Variants in ZBTB43 observed in about 807,000 individuals in gnomAD.
ZBTB43 encodes the protein zinc finger and BTB domain containing 43, also known as zinc finger and BTB domain-containing protein 43.
Under a neutral mutation model 31.1 loss-of-function variants are expected in ZBTB43, and 6 were observed. The ratio of observed to expected loss-of-function variants is 0.19; its 90% CI spans 0.11 to 0.38. ZBTB43 has a LOEUF of 0.38. ZBTB43 is among the 10% of genes least tolerant of loss of function. The pLI is 1.00. For synonymous variants in ZBTB43, 212 were observed against 221.7 expected (o/e 0.96, Z 0.39); for missense variants, 379 against 602.1 (o/e 0.63, Z 3.88).
intron 2 of ZBTB43, among the ~76,000 whole-genome samples, chr9:126,830,267 C>T (rs1383400780): frequency 6.6e-6 from 1 of 152,246 alleles, no homozygotes; most frequent in Non-Finnish European, 1.5e-5. Context: ...AAGAAACCTT[C>T]ATTTCTTCTC....
At chr9:126,830,406 GAGGCC>G (rs1052061974) in intron 2 of ZBTB43, among the ~76,000 whole-genome samples, 44 of 152,226 alleles carry the variant, frequency 2.9e-4, no homozygotes, top group African/African-American at 9.7e-4. Context: ...AGCACTTTGG[GAGGCC>G]AGGCGGGCAG....
At chr9:126,825,437 A>G (rs2032609637) in intron 2 of ZBTB43, among the ~76,000 whole-genome samples, 2 of 152,128 alleles carry the variant, frequency 1.3e-5, no homozygotes, top group Non-Finnish European at 2.9e-5. Context: ...GGCTTAAACA[A>G]TGGAAATGTA....
rs201504787 is a variant in ZBTB43, at chr9:126,837,854, T to TA, written c.*3943dup. 3,336 of 165,242 alleles carry TA rather than the reference T, an allele frequency of 0.02. 411 individuals carry two copies. In the East Asian group the frequency reaches 0.37, roughly 19 times the overall value. 10.2% of individuals were successfully genotyped at this position (165,242 alleles called of 1,614,324 possible). ...CAAATGTGACTTTTTTTTTTTTTTT[T>TA]AATTTTTGCTTGAAGCCTGTGTCAT... On this transcript the variant is annotated 3_prime_UTR_variant, in exon 3 of 3. Coordinates refer to ENST00000373464, the MANE Select transcript of ZBTB43 (RefSeq NM_014007.4).
chr9:126,825,168 T>TG (rs2032603654), intron 2 of ZBTB43, among the ~76,000 whole-genome samples: 1 of 152,156 alleles, frequency 6.6e-6, no homozygotes, highest in South Asian at 2.1e-4. Flanking sequence ...CTCGAACTCC[T>TG]GGGCTCAAGT....
chr9:126,820,900 G>A (rs958450102), intron 2 of ZBTB43, among the ~76,000 whole-genome samples: 5 of 146,856 alleles, frequency 3.4e-5, no homozygotes, highest in South Asian at 2.1e-4. Flanking sequence ...CCAGAGAGTC[G>A]AGGCTGCAGT....
intron 2 of ZBTB43, among the ~76,000 whole-genome samples, chr9:126,825,065 C>T (rs577968754): frequency 6.6e-6 from 1 of 152,142 alleles, no homozygotes; most frequent in Non-Finnish European, 1.5e-5. Flanking sequence ...CCACCTCAGC[C>T]TCTTGTATAG....
chr9:126,805,958 G>A (rs1265080848), intron 1 of ZBTB43, among the ~76,000 whole-genome samples: 1 of 152,242 alleles, frequency 6.6e-6, no homozygotes, highest in Admixed American at 6.5e-5. Flanking sequence ...TGACTCGACC[G>A]CAGTTTGGCC....
In ZBTB43 at chr9:126,833,480, A is replaced by G. The variant is rs1480081170; in HGVS notation, c.971A>G (p.Glu324Gly). The stretch of plus-strand genomic sequence containing the variant: ...GATTTCTATGGCTCTTCCATGGAAG[A>G]GTTTTCCGGAGAGAGGTCAGATGGG... ...QVDFYGSSME[E>G]FSGERSDGNL... Residue 324 changes from glutamate (E) to glycine (G), a missense_variant, in exon 3 of 3, where the codon GAG (glutamate) becomes GGG (glycine). Physicochemically the swap from Glu to Gly is moderately conservative, Grantham distance 98. Coordinates refer to ENST00000373464, the MANE Select transcript of ZBTB43 (RefSeq NM_014007.4). This position sits in a 1 kb window ranked among gnomAD's most constrained non-coding sequence, Gnocchi z 7.9. 2 of 1,614,192 alleles carry G rather than the reference A, an allele frequency of 1.2e-6. No individual in the cohort carries two copies. The highest frequency in any genetic ancestry group is 1.7e-5 in the Admixed American group (1 of 60,026).
intron 2 of ZBTB43, among the ~76,000 whole-genome samples, chr9:126,810,228 C>G (rs2032214600): frequency 6.7e-6 from 1 of 149,332 alleles, no homozygotes; most frequent in African/African-American, 2.5e-5. Flanking sequence ...GAGTCTCGCT[C>G]TTGTTGCCCA....
At position 126,836,526 on chromosome 9, in the gene ZBTB43, G is replaced by A. The variant is rs879916181; in HGVS notation, c.*2613G>A. ...CAGGAGAAGGGGGTTGCTTTCATTT[G>A]AATATTAAAAGTGAATTTTTGTAAA... On this transcript the variant is annotated 3_prime_UTR_variant, in exon 3 of 3. Coordinates refer to ENST00000373464, the MANE Select transcript of ZBTB43 (RefSeq NM_014007.4). 2 of 167,036 alleles carry A rather than the reference G, an allele frequency of 1.2e-5. No individual in the cohort carries two copies. The highest frequency in any genetic ancestry group is 1.3e-4 in the Admixed American group (2 of 15,280). 10.3% of individuals were successfully genotyped at this position (167,036 alleles called of 1,614,324 possible).
At chr9:126,832,226 A>G (rs886070045) in intron 2 of ZBTB43, 11 of 406,610 alleles carry the variant, frequency 2.7e-5, no homozygotes, top group Non-Finnish European at 4.9e-5. Flanking sequence ...TATAGCTTAC[A>G]AATCTTGTCC....
chr9:126,807,595 G>A (rs1011410200), intron 1 of ZBTB43, among the ~76,000 whole-genome samples: 1 of 152,132 alleles, frequency 6.6e-6, no homozygotes, highest in Non-Finnish European at 1.5e-5. Context: ...TAATTGAAGA[G>A]TATCATTTTC....
At position 126,836,287 on chromosome 9, in the gene ZBTB43, G is replaced by A. The variant is rs1391002276; in HGVS notation, c.*2374G>A. The stretch of plus-strand genomic sequence containing the variant: ...TTTTGGAAGCAGTCAGTTGTGCTAG[G>A]ACTTATTTAATATGTTGTGAAGAGA... On this transcript the variant is annotated 3_prime_UTR_variant, in exon 3 of 3. Transcript: ENST00000373464. 2 of 167,218 alleles carry A rather than the reference G, an allele frequency of 1.2e-5. No homozygotes were observed. Among genetic ancestry groups the A allele is most frequent in the South Asian group, 2.1e-4 (1 of 4,832 alleles). 10.4% of individuals were successfully genotyped at this position (167,218 alleles called of 1,614,324 possible). A position where few individuals can be genotyped will look rare whatever the true frequency, so the allele number is the denominator to read the frequency against.
chr9:126,826,454 C>CTTTTTTTTTTTTTTTTTT lies in ZBTB43; in HGVS notation c.-23-6023_-23-6006dup, dbSNP rs35094731. Among the ~76,000 whole-genome samples, 11 of 53,598 alleles carry CTTTTTTTTTTTTTTTTTT rather than the reference C, an allele frequency of 2.1e-4. 2 individuals carry two copies. In the East Asian group the frequency reaches 4.0e-3, roughly 19 times the overall value. The allele number at this position is 53,598 out of a possible 152,430, so 35.2% of individuals were successfully genotyped here. On this transcript the variant is annotated intron_variant, in intron 2 of 2. Coordinates refer to ENST00000373464, the MANE Select transcript of ZBTB43 (RefSeq NM_014007.4). ...GCGCCACCACTCCTGGCCCCCCCGC[C>CTTTTTTTTTTTTTTTTTT]TTTTTTTTTTTTTTTTTTTTTTTTT...
At position 126,832,533 on chromosome 9, in the gene ZBTB43, T is replaced by C; in HGVS notation, c.24T>C (p.Phe8=). The C allele has an allele frequency of 6.2e-7, 1 of 1,608,330 alleles. No individual in the cohort carries two copies. Among genetic ancestry groups the C allele is most frequent in the Non-Finnish European group, 8.5e-7 (1 of 1,175,068 alleles). Reference sequence around the variant, plus strand: ...AAATGGAGCCTGGAACAAACTCTTTTCGGGTAGAATTTCCTGATTTTTCCA... The same window carrying C: ...AAATGGAGCCTGGAACAAACTCTTTCCGGGTAGAATTTCCTGATTTTTCCA... MEPGTNS[F]RVEFPDFSST... The change falls in exon 3 of 3, where the codon TTT becomes TTC. Residue 8 remains phenylalanine, a synonymous_variant. Coordinates refer to ENST00000373464, the MANE Select transcript of ZBTB43 (RefSeq NM_014007.4).
At chr9:126,819,930 ACCACAACATT>A (rs1360067141) in intron 2 of ZBTB43, among the ~76,000 whole-genome samples, 1 of 152,220 alleles carries the variant, frequency 6.6e-6, no homozygotes, top group Non-Finnish European at 1.5e-5. Flanking sequence ...GGTCATACCA[ACCACAACATT>A]CCTTTAAGCC....
At chr9:126,828,587 G>A (rs1431713908) in intron 2 of ZBTB43, among the ~76,000 whole-genome samples, 3 of 148,632 alleles carry the variant, frequency 2.0e-5, no homozygotes. Flanking sequence ...GAGCCCAGGA[G>A]TTTCAGACCA....
At chr9:126,809,407 C>A (rs1377175230) in intron 2 of ZBTB43, among the ~76,000 whole-genome samples, 1 of 152,172 alleles carries the variant, frequency 6.6e-6, no homozygotes, top group Non-Finnish European at 1.5e-5. Flanking sequence ...TTTAAATTTA[C>A]TGAAGCAACA....
Position 126,837,910 on chromosome 9 carries a change from G to A in ZBTB43, c.*3997G>A, listed in dbSNP as rs1032447262. 21 of 165,356 alleles carry A rather than the reference G, an allele frequency of 1.3e-4. No homozygotes were observed. The highest frequency in any genetic ancestry group is 4.2e-4 in the African/African-American group (17 of 40,852). The allele number at this position is 165,356 out of a possible 1,614,324, so 10.2% of individuals were successfully genotyped here. The stretch of plus-strand genomic sequence containing the variant: ...TTGCTGCTGCCTTCTTTCCTTTTGT[G>A]AGGTTCCCAATGTTTCGTCCAGAAA... On this transcript the variant is annotated 3_prime_UTR_variant, in exon 3 of 3. Coordinates refer to ENST00000373464, the MANE Select transcript of ZBTB43 (RefSeq NM_014007.4).
Sources: gnomAD v4.1 joint callset for allele counts (sites outside exome capture counted in the v4.1 genomes callset) on GRCh38, gnomAD v4.1.1 for gene constraint, Gnocchi (gnomAD v3.1) non-coding constraint, MANE v1.5 for transcripts, NCBI Gene and HGNC (gene_info 2026-07-23, HGNC 2026-07-21) for gene names.